PDSS2: variants seen among roughly 807,000 people sequenced by gnomAD.
PDSS2 encodes all trans-polyprenyl-diphosphate synthase PDSS2.
Under a neutral mutation model 44.5 loss-of-function variants are expected in PDSS2, and 31 were observed. The ratio of observed to expected loss-of-function variants is 0.70; its 90% CI spans 0.52 to 0.94. PDSS2 has a LOEUF of 0.94. Among genes scored for constraint, PDSS2 ranks in the 40% least tolerant of loss-of-function variants. The pLI is 0.00. For missense variants in PDSS2, 452 were observed against 482.2 expected (o/e 0.94, Z 0.59); for synonymous variants, 157 against 180.3 (o/e 0.87, Z 1.03).
intron 7 of PDSS2, among the ~76,000 whole-genome samples, chr6:107,159,541 C>G (rs375302556): frequency 6.6e-6 from 1 of 151,590 alleles, no homozygotes. Flanking sequence ...CTCAGCCTCC[C>G]GAGTAGCTGG....
At chr6:107,382,403 G>A (rs867108670) in intron 1 of PDSS2, among the ~76,000 whole-genome samples, 1 of 152,104 alleles carries the variant, frequency 6.6e-6, no homozygotes, top group African/African-American at 2.4e-5. Context: ...AAGGATATGG[G>A]CAATGGGGAA....
intron 1 of PDSS2, among the ~76,000 whole-genome samples, chr6:107,448,171 C>CT (rs1465780092): frequency 6.6e-6 from 1 of 152,196 alleles, no homozygotes; most frequent in African/African-American, 2.4e-5. Context: ...AAGAAGGTCT[C>CT]TGACACATCC....
At chr6:107,443,175 T>C (rs769248389) in intron 1 of PDSS2, among the ~76,000 whole-genome samples, 48 of 152,188 alleles carry the variant, frequency 3.2e-4, no homozygotes, top group Non-Finnish European at 6.2e-4. Flanking sequence ...GAATAAACCA[T>C]AGCAGTCTTC....
intron 4 of PDSS2, among the ~76,000 whole-genome samples, chr6:107,222,105 T>C (rs752184501): frequency 3.7e-4 from 57 of 152,208 alleles, no homozygotes; most frequent in Non-Finnish European, 6.3e-4. Context: ...CATTTCACCA[T>C]GTTAAATGTT....
At chr6:107,285,937 C>A (rs926399766) in intron 2 of PDSS2, among the ~76,000 whole-genome samples, 1 of 151,204 alleles carries the variant, frequency 6.6e-6, no homozygotes, top group South Asian at 2.1e-4. Context: ...GTCAGGAATT[C>A]GAGACTACCC....
chr6:107,324,905 G>C (rs974466871), intron 2 of PDSS2, among the ~76,000 whole-genome samples: 6 of 152,076 alleles, frequency 3.9e-5, no homozygotes, highest in African/African-American at 1.4e-4. Flanking sequence ...GTGGAATGAA[G>C]GTGAGGATGG....
chr6:107,207,187 T>A (rs903430515), intron 6 of PDSS2, among the ~76,000 whole-genome samples: 1 of 151,892 alleles, frequency 6.6e-6, no homozygotes, highest in African/African-American at 2.4e-5. Flanking sequence ...AGAGACGGGG[T>A]TTCACCATGT....
chr6:107,411,720 T>G (rs1780499929), intron 1 of PDSS2, among the ~76,000 whole-genome samples: 1 of 152,124 alleles, frequency 6.6e-6, no homozygotes, highest in South Asian at 2.1e-4. Flanking sequence ...AATCTGGAGA[T>G]AATTTCAAGT....
intron 7 of PDSS2, among the ~76,000 whole-genome samples, chr6:107,175,246 G>C (rs113716999): frequency 4.7e-4 from 71 of 149,762 alleles, no homozygotes; most frequent in African/African-American, 1.6e-3. Flanking sequence ...TCTCTCTCTC[G>C]CTCTATCTGT....
At chr6:107,295,960 A>C (rs1415407897) in intron 2 of PDSS2, among the ~76,000 whole-genome samples, 2 of 152,178 alleles carry the variant, frequency 1.3e-5, no homozygotes, top group East Asian at 1.9e-4. Flanking sequence ...CCATGCTCTT[A>C]AACTCAAGTA....
intron 7 of PDSS2, among the ~76,000 whole-genome samples, chr6:107,163,131 G>T (rs1771208832): frequency 1.3e-5 from 2 of 152,080 alleles, no homozygotes; most frequent in South Asian, 4.1e-4. Context: ...ACATTCCCCT[G>T]ACTGTTTCAT....
At chr6:107,422,138 A>C (rs1780846747) in intron 1 of PDSS2, among the ~76,000 whole-genome samples, 1 of 151,786 alleles carries the variant, frequency 6.6e-6, no homozygotes, top group Non-Finnish European at 1.5e-5. Flanking sequence ...TTAATATATG[A>C]AGAGCTCTTC....
At chr6:107,346,702 C>T (rs1370022367) in intron 1 of PDSS2, among the ~76,000 whole-genome samples, 1 of 151,980 alleles carries the variant, frequency 6.6e-6, no homozygotes, top group Non-Finnish European at 1.5e-5. Flanking sequence ...GGCCATGTTC[C>T]CCCAAACTGG....
At chr6:107,162,544 G>A (rs1304799948) in intron 7 of PDSS2, among the ~76,000 whole-genome samples, 1 of 128,252 alleles carries the variant, frequency 7.8e-6, no homozygotes, top group Non-Finnish European at 1.7e-5. Flanking sequence ...TTTATTTTTT[G>A]TTTGTTCAAG....
chr6:107,305,167 G>A (rs192009774), intron 2 of PDSS2, among the ~76,000 whole-genome samples: 3 of 151,992 alleles, frequency 2.0e-5, no homozygotes, highest in Admixed American at 1.3e-4. Context: ...TTTTTCATCA[G>A]CAAATACTTT....
At chr6:107,271,340 A>C (rs964684746) in intron 3 of PDSS2, among the ~76,000 whole-genome samples, 1 of 152,378 alleles carries the variant, frequency 6.6e-6, no homozygotes, top group Non-Finnish European at 1.5e-5. Flanking sequence ...TTGCAAAAAC[A>C]AAGTATTGCC....
At chr6:107,379,268 C>T (rs1254478776) in intron 1 of PDSS2, among the ~76,000 whole-genome samples, 2 of 152,102 alleles carry the variant, frequency 1.3e-5, no homozygotes, top group Non-Finnish European at 2.9e-5. Flanking sequence ...TTGATCAGGT[C>T]GTATAACATT....
chr6:107,444,867 A>T (rs7765071), intron 1 of PDSS2, among the ~76,000 whole-genome samples: 25 of 152,328 alleles, frequency 1.6e-4, no homozygotes, highest in African/African-American at 6.0e-4. Context: ...TTCGTCTCCA[A>T]TAGCTGCATA....
chr6:107,313,390 T>C (rs1052097234), intron 2 of PDSS2, among the ~76,000 whole-genome samples: 1 of 152,206 alleles, frequency 6.6e-6, no homozygotes, highest in Non-Finnish European at 1.5e-5. Context: ...TCTTGCTCTG[T>C]TGTCCAGGCT....
Sources: allele counts gnomAD v4.1 joint callset (sites outside exome capture counted in the v4.1 genomes callset), GRCh38; gene constraint gnomAD v4.1.1; transcripts MANE v1.5; gene names NCBI Gene and HGNC (gene_info 2026-07-23, HGNC 2026-07-21).